SPECC1: variants seen among roughly 807,000 people sequenced by gnomAD.
The protein encoded by SPECC1 is cytospin-B.
In SPECC1, 62 loss-of-function variants were observed where a neutral mutation model predicts 104.1. That is an observed-to-expected ratio of 0.60 (90% CI 0.49 to 0.74). The LOEUF (loss-of-function observed/expected upper bound fraction) is 0.74. SPECC1 is among the 30% of genes least tolerant of loss of function. The probability of loss-of-function intolerance (pLI) is 0.00; values close to 1 mark genes in which losing one functional copy is unlikely to be tolerated. For synonymous variants in SPECC1, 513 were observed against 501.6 expected (o/e 1.02, Z -0.30); for missense variants, 1,306 against 1,310.5 (o/e 1.00, Z 0.05).
chr17:20,164,835 T>C (rs1001713658), intron 3 of SPECC1, among the ~76,000 whole-genome samples: 1 of 152,164 alleles, frequency 6.6e-6, no homozygotes, highest in African/African-American at 2.4e-5. Context: ...TTGTGTAGCT[T>C]CTAATAGCCT....
chr17:20,308,389 CAAAA>C (rs3072413), intron 14 of SPECC1, among the ~76,000 whole-genome samples: 2 of 66,612 alleles, frequency 3.0e-5, no homozygotes, highest in Admixed American at 2.1e-4. Context: ...AACTCCATCT[CAAAA>C]AAAAAAAAAA....
chr17:20,233,729 T>G lies in SPECC1; in HGVS notation c.2351+1324T>G, dbSNP rs181594755. On this transcript the variant is annotated intron_variant, in intron 7 of 14. Transcript: ENST00000395527. ...AAAGGATGTGAATTTTAAGTGGAGG[T>G]AGAGGGAGAATAGGAAAACTAGGTT... 2.0e-5 allele frequency among the ~76,000 whole-genome samples: 3 copies of G among 152,174 alleles called. No homozygotes were observed. The East Asian group carries it at 5.8e-4, about 29-fold the overall frequency.
intron 2 of SPECC1, among the ~76,000 whole-genome samples, chr17:20,107,466 T>C (rs1430291635): frequency 2.0e-5 from 3 of 149,240 alleles, no homozygotes; most frequent in African/African-American, 4.9e-5. Context: ...TTTTTTCTTT[T>C]TTTTTTTTTT....
intron 1 of SPECC1, chr17:20,057,931 A>G (rs1276710052): frequency 6.6e-6 from 1 of 152,196 alleles, no homozygotes; most frequent in Non-Finnish European, 1.5e-5. Flanking sequence ...TGTATCAAAA[A>G]ATATATTTCT....
intron 3 of SPECC1, among the ~76,000 whole-genome samples, chr17:20,158,598 T>C (rs1409178434): frequency 6.6e-6 from 1 of 152,168 alleles, no homozygotes; most frequent in Non-Finnish European, 1.5e-5. Flanking sequence ...GAAAGGACAG[T>C]CCCTAGTCTT....
chr17:20,253,957 G>C (rs538678664), intron 10 of SPECC1, among the ~76,000 whole-genome samples: 8 of 152,034 alleles, frequency 5.3e-5, no homozygotes, highest in Non-Finnish European at 1.2e-4. Context: ...GTGAGCCACT[G>C]TGCCTGGCAT....
intron 3 of SPECC1, among the ~76,000 whole-genome samples, chr17:20,163,930 A>G (rs1350094949): frequency 1.3e-5 from 2 of 152,166 alleles, no homozygotes; most frequent in Non-Finnish European, 2.9e-5. Context: ...CAAATTAATT[A>G]CTCAGTTACA....
At chr17:20,194,844 T>G (rs2035925945) in intron 3 of SPECC1, among the ~76,000 whole-genome samples, 1 of 152,114 alleles carries the variant, frequency 6.6e-6, no homozygotes, top group South Asian at 2.1e-4. Flanking sequence ...AATAACTATT[T>G]TGCTGTAAGT....
chr17:20,154,484 T>C (rs2032283059), intron 3 of SPECC1, among the ~76,000 whole-genome samples: 1 of 152,098 alleles, frequency 6.6e-6, no homozygotes, highest in Admixed American at 6.5e-5. Context: ...CCCCGCTTAT[T>C]TGAGGAACAG....
chr17:20,232,109 T>C, intron 6 of SPECC1, 91 bp from the exon 7 acceptor site: 1 of 1,474,844 alleles, frequency 6.8e-7, no homozygotes, highest in Non-Finnish European at 9.3e-7. Flanking sequence ...GGCATTTTTT[T>C]CTTGGTGACC....
Position 20,110,498 on chromosome 17 carries a change from G to A in SPECC1, c.219G>A (p.Leu73=). The change falls in exon 3 of 15, where the codon CTG becomes CTA. Residue 73 remains leucine, a synonymous_variant. Coordinates refer to ENST00000395527, the MANE Select transcript of SPECC1 (RefSeq NM_001243439.2). ...GSTAASGVVR[L]KKTATAGAIS... ...CCGCTGCATCGGGGGTGGTTCGCCT[G>A]AAGAAGACCGCCACTGCCGGAGCCA... 1 of 1,613,852 alleles carries A rather than the reference G, an allele frequency of 6.2e-7. No homozygotes were observed. The highest frequency in any genetic ancestry group is 8.5e-7 in the Non-Finnish European group (1 of 1,179,924).
In SPECC1 at chr17:20,227,373, T is replaced by G. The variant is rs545506385; in HGVS notation, c.1864-40T>G. 1.1e-4 allele frequency: 170 copies of G among 1,581,694 alleles called. 2 individuals carry two copies. In the Middle Eastern group the frequency reaches 1.8e-3, roughly 16 times the overall value. On this transcript the variant is annotated intron_variant, in intron 4 of 14. Coordinates refer to ENST00000395527, the MANE Select transcript of SPECC1 (RefSeq NM_001243439.2). ...GTGTACAGATCACTGTGGGAATTTTTTTGTTGTTAACTGACCAAGGAACCT... is the reference window on the plus strand; with the variant it reads ...GTGTACAGATCACTGTGGGAATTTTGTTGTTGTTAACTGACCAAGGAACCT...
intron 3 of SPECC1, among the ~76,000 whole-genome samples, chr17:20,150,138 A>G (rs1357175129): frequency 6.7e-6 from 1 of 150,208 alleles, no homozygotes; most frequent in Non-Finnish European, 1.5e-5. Context: ...ACGCCCGGCT[A>G]ATTTTTTTGT....
intron 1 of SPECC1, among the ~76,000 whole-genome samples, chr17:20,038,847 C>T (rs1414628070): frequency 6.6e-6 from 1 of 152,212 alleles, no homozygotes; most frequent in African/African-American, 2.4e-5. Flanking sequence ...AGGCTTTTCT[C>T]GTTATCCTCC....
At chr17:20,123,806 C>T (rs2049153764) in intron 3 of SPECC1, among the ~76,000 whole-genome samples, 2 of 152,198 alleles carry the variant, frequency 1.3e-5, no homozygotes, top group Admixed American at 1.3e-4. Context: ...AACCACTGTT[C>T]TCAGTGTGCG....
intron 11 of SPECC1, 121 bp downstream of exon 11, chr17:20,257,728 T>C: frequency 7.7e-7 from 1 of 1,302,262 alleles, no homozygotes; most frequent in East Asian, 2.5e-5. Flanking sequence ...TGAAAATGAC[T>C]AAGACACTGT....
intron 10 of SPECC1, 24 bp downstream of exon 10, chr17:20,253,610 C>T (rs757594296): frequency 1.2e-6 from 2 of 1,607,974 alleles, no homozygotes; most frequent in East Asian, 2.2e-5. Context: ...ACATAAAGAA[C>T]TTTTGACTTA....
At chr17:20,144,234 G>T (rs1336140693) in intron 3 of SPECC1, among the ~76,000 whole-genome samples, 2 of 138,120 alleles carry the variant, frequency 1.4e-5, no homozygotes, top group African/African-American at 5.6e-5. Flanking sequence ...ACCGAGGCTG[G>T]AGTGCAGTGG....
chr17:20,160,736 T>TA (rs780966386), intron 3 of SPECC1, among the ~76,000 whole-genome samples: 1 of 152,224 alleles, frequency 6.6e-6, no homozygotes, highest in Non-Finnish European at 1.5e-5. Flanking sequence ...AAATGGTAGT[T>TA]ACCTCTACAA....
Sources: allele counts gnomAD v4.1 joint callset (sites outside exome capture counted in the v4.1 genomes callset), GRCh38; gene constraint gnomAD v4.1.1; transcripts MANE v1.5; gene names NCBI Gene and HGNC (gene_info 2026-07-23, HGNC 2026-07-21).